GALNT2: variants seen among roughly 807,000 people sequenced by gnomAD.
GALNT2 encodes polypeptide N-acetylgalactosaminyltransferase 2, also known as UDP-GalNAc:polypeptide N-acetylgalactosaminyltransferase 2.
Under a neutral mutation model 81.4 loss-of-function variants are expected in GALNT2, and 31 were observed. The ratio of observed to expected loss-of-function variants is 0.38; its 90% confidence interval spans 0.29 to 0.51. The LOEUF (loss-of-function observed/expected upper bound fraction) is 0.51, where lower values mean the gene tolerates loss of function less well. Ranked by LOEUF, GALNT2 falls within the 20% of genes least tolerant of loss-of-function variation. The probability of loss-of-function intolerance (pLI) is 0.87; values close to 1 mark genes in which losing one functional copy is unlikely to be tolerated. For synonymous variants in GALNT2, 303 were observed against 287.4 expected (o/e 1.05, Z -0.55); for missense variants, 629 against 765.7 (o/e 0.82, Z 2.11).
At chr1:230,095,132 C>T (rs1558080505) in intron 1 of GALNT2, among the ~76,000 whole-genome samples, 2 of 152,084 alleles carry the variant, frequency 1.3e-5, no homozygotes, top group East Asian at 1.9e-4. Flanking sequence ...GGGAGAGTGT[C>T]GACCCTGACC....
At chr1:230,136,266 G>T (rs1053024246) in intron 1 of GALNT2, among the ~76,000 whole-genome samples, 6 of 152,088 alleles carry the variant, frequency 3.9e-5, no homozygotes, top group African/African-American at 9.7e-5. Context: ...GTGCCACGTT[G>T]ATTGGGTCGC....
chr1:230,247,625 A>G (rs1665413191), intron 8 of GALNT2, among the ~76,000 whole-genome samples: 1 of 152,220 alleles, frequency 6.6e-6, no homozygotes, highest in South Asian at 2.1e-4. Context: ...AAGTATTCGA[A>G]GAGCTGAGAT....
chr1:230,077,263 C>T (rs541340954), intron 1 of GALNT2, among the ~76,000 whole-genome samples: 2 of 152,294 alleles, frequency 1.3e-5, no homozygotes, highest in African/African-American at 4.8e-5. Flanking sequence ...AAAAGGCCTG[C>T]CCTGCCGCAC....
At chr1:230,173,976 A>G (rs918171754) in intron 1 of GALNT2, among the ~76,000 whole-genome samples, 1 of 152,076 alleles carries the variant, frequency 6.6e-6, no homozygotes, top group Admixed American at 6.5e-5. Context: ...TACCATAAGG[A>G]TACAGAAGGA....
rs57593014 is a variant in GALNT2 at position 230,135,860 on chromosome 1, A to ATT, written c.127-42345_127-42344dup. Among the ~76,000 whole-genome samples the ATT allele has an allele frequency of 5.7e-5, 8 of 140,380 alleles. No individual in the cohort carries two copies. In the East Asian group the frequency reaches 1.4e-3, roughly 25 times the overall value. 92.1% of individuals were successfully genotyped at this position (140,380 alleles called of 152,430 possible). A position where few individuals can be genotyped will look rare whatever the true frequency, so the allele number is the denominator to read the frequency against. ...ACCACCACGCCTGGCTAACTTTTTC[A>ATT]TTTTTTTTTTTTTTATAGATGGGGG... On this transcript the variant is annotated intron_variant, in intron 1 of 15. Transcript: ENST00000366672.
intron 1 of GALNT2, among the ~76,000 whole-genome samples, chr1:230,156,593 TA>T (rs1050217806): frequency 6.6e-6 from 1 of 152,258 alleles, no homozygotes; most frequent in African/African-American, 2.4e-5. Context: ...CGGATCAATT[TA>T]TTTTTTTGGC....
At chr1:230,105,206 A>G (rs1660507463) in intron 1 of GALNT2, among the ~76,000 whole-genome samples, 1 of 152,206 alleles carries the variant, frequency 6.6e-6, no homozygotes, top group Non-Finnish European at 1.5e-5. Context: ...GAGCAACTGA[A>G]TCATTCTCCA....
intron 9 of GALNT2, 131 bp downstream of exon 9, chr1:230,249,402 C>T (rs3748009): frequency 0.44 from 295,777 of 679,038 alleles, 68,117 homozygotes; most frequent in East Asian, 0.72. Context: ...CCCCTCGTCT[C>T]AGCTCAAAGA....
chr1:230,064,551 C>T (rs532206334), upstream of GALNT2, among the ~76,000 whole-genome samples: 5 of 152,272 alleles, frequency 3.3e-5, no homozygotes, highest in Admixed American at 1.3e-4. Flanking sequence ...CATGGAGTCT[C>T]GCTCTGTCAC....
intron 1 of GALNT2, among the ~76,000 whole-genome samples, chr1:230,132,574 G>T (rs553692801): frequency 2.2e-4 from 33 of 152,314 alleles, no homozygotes; most frequent in African/African-American, 7.7e-4. Flanking sequence ...GGAAGGGACT[G>T]TACTAGAGAG....
chr1:230,162,754 C>T (rs1662474581), intron 1 of GALNT2, among the ~76,000 whole-genome samples: 1 of 152,180 alleles, frequency 6.6e-6, no homozygotes, highest in Non-Finnish European at 1.5e-5. Flanking sequence ...GAGGGTCTTG[C>T]CCCAACCCAG....
chr1:230,142,085 C>A (rs560714081), intron 1 of GALNT2, among the ~76,000 whole-genome samples: 6 of 152,002 alleles, frequency 3.9e-5, no homozygotes, highest in Non-Finnish European at 8.8e-5. Context: ...GAGCTACCAC[C>A]CCTGGCCGAG....
chr1:230,136,940 A>G (rs1271173608), intron 1 of GALNT2, among the ~76,000 whole-genome samples: 1 of 152,162 alleles, frequency 6.6e-6, no homozygotes, highest in Non-Finnish European at 1.5e-5. Flanking sequence ...CTTTCACCTC[A>G]CGGACAGCGA....
intron 1 of GALNT2, among the ~76,000 whole-genome samples, chr1:230,115,508 A>C (rs1660819427): frequency 6.6e-6 from 1 of 152,186 alleles, no homozygotes; most frequent in Non-Finnish European, 1.5e-5. Flanking sequence ...TACGGATCTT[A>C]ATTTTAAAAT....
At chr1:230,081,413 T>G (rs1008734436) in intron 1 of GALNT2, among the ~76,000 whole-genome samples, 1 of 152,166 alleles carries the variant, frequency 6.6e-6, no homozygotes, top group African/African-American at 2.4e-5. Context: ...TTTAAGTGCG[T>G]GCTGTTTAAT....
chr1:230,159,941 C>T (rs1002631586), intron 1 of GALNT2, among the ~76,000 whole-genome samples: 1 of 152,058 alleles, frequency 6.6e-6, no homozygotes, highest in African/African-American at 2.4e-5. Flanking sequence ...CTGGGACTGC[C>T]AAGAGTTGCC....
chr1:230,172,279 C>G (rs188020848), intron 1 of GALNT2, among the ~76,000 whole-genome samples: 1 of 152,126 alleles, frequency 6.6e-6, no homozygotes, highest in Admixed American at 6.5e-5. Context: ...CTTAAGCAGC[C>G]CTACTGGATG....
chr1:230,088,249 C>A (rs985889386), intron 1 of GALNT2, among the ~76,000 whole-genome samples: 1 of 152,178 alleles, frequency 6.6e-6, no homozygotes, highest in African/African-American at 2.4e-5. Context: ...AACAGTAACT[C>A]CCATTCTCAC....
chr1:230,182,017 A>G (rs1280284600), intron 2 of GALNT2, among the ~76,000 whole-genome samples: 2 of 152,200 alleles, frequency 1.3e-5, no homozygotes, highest in African/African-American at 4.8e-5. Context: ...TATTGAATTT[A>G]TGGGAATAGA....
Sources: allele counts gnomAD v4.1 joint callset (sites outside exome capture counted in the v4.1 genomes callset), GRCh38; gene constraint gnomAD v4.1.1; transcripts MANE v1.5; gene names NCBI Gene and HGNC (gene_info 2026-07-23, HGNC 2026-07-21).